ARHGAP44: variants seen among roughly 807,000 people sequenced by gnomAD.
The protein encoded by ARHGAP44 is Rho GTPase activating protein 44.
In ARHGAP44, 43 loss-of-function variants were observed where a neutral mutation model predicts 106.8. That is an observed-to-expected ratio of 0.40 (90% CI 0.32 to 0.52). ARHGAP44 has a LOEUF of 0.52. Among genes scored for constraint, ARHGAP44 ranks in the 20% least tolerant of loss-of-function variants. The pLI, the probability that ARHGAP44 is intolerant of heterozygous loss-of-function variation, is 0.48. For missense variants in ARHGAP44, 866 were observed against 1,050.5 expected, an observed-to-expected ratio of 0.82 and a Z score of 2.43; for synonymous variants, 439 against 410.3, an observed-to-expected ratio of 1.07 and a Z score of -0.85.
chr17:12,960,623 C>T (rs2039239522), intron 16 of ARHGAP44, among the ~76,000 whole-genome samples: 2 of 151,752 alleles, frequency 1.3e-5, no homozygotes, highest in Non-Finnish European at 2.9e-5. Flanking sequence ...TGTGGTGGTG[C>T]AATCTTGGCT....
intron 3 of ARHGAP44, among the ~76,000 whole-genome samples, chr17:12,903,138 A>AGTGT (rs1421977965): frequency 4.8e-4 from 45 of 94,734 alleles, no homozygotes; most frequent in African/African-American, 1.3e-3. Flanking sequence ...AGAGAGAGAG[A>AGTGT]GAGTGTGTGT....
At chr17:12,814,926 G>A (rs1419058741) in intron 1 of ARHGAP44, among the ~76,000 whole-genome samples, 4 of 152,088 alleles carry the variant, frequency 2.6e-5, no homozygotes, top group Admixed American at 6.5e-5. Flanking sequence ...CTGAATCATG[G>A]TTGACTGATA....
chr17:12,929,864 A>T (rs2038349438), intron 7 of ARHGAP44, among the ~76,000 whole-genome samples: 1 of 152,210 alleles, frequency 6.6e-6, no homozygotes, highest in African/African-American at 2.4e-5. Context: ...TTGCCTGTGG[A>T]CATCTCTGTT....
chr17:12,977,234 C>A (rs1398583876), intron 18 of ARHGAP44, among the ~76,000 whole-genome samples: 1 of 152,106 alleles, frequency 6.6e-6, no homozygotes, highest in Non-Finnish European at 1.5e-5. Flanking sequence ...GTGTTTTACA[C>A]CACTTTTTGT....
At chr17:12,976,221 C>T (rs1226344216) in intron 18 of ARHGAP44, among the ~76,000 whole-genome samples, 2 of 152,116 alleles carry the variant, frequency 1.3e-5, no homozygotes, top group Non-Finnish European at 2.9e-5. Context: ...TCCTCACACA[C>T]CATCACCACC....
intron 1 of ARHGAP44, among the ~76,000 whole-genome samples, chr17:12,842,263 A>T (rs1485970783): frequency 3.3e-5 from 5 of 151,970 alleles, no homozygotes; most frequent in Admixed American, 3.3e-4. Flanking sequence ...ATATGTATCA[A>T]ACAATTAGCT....
chr17:12,802,903 C>T (rs1597861300), intron 1 of ARHGAP44, among the ~76,000 whole-genome samples: 1 of 125,632 alleles, frequency 8.0e-6, no homozygotes, highest in African/African-American at 2.9e-5. Context: ...GGACTACTGG[C>T]ATGTACCACC....
chr17:12,921,581 G>A (rs1341612203), intron 6 of ARHGAP44, among the ~76,000 whole-genome samples: 2 of 152,102 alleles, frequency 1.3e-5, no homozygotes, highest in Admixed American at 6.6e-5. Flanking sequence ...TCCAGAGTAG[G>A]CCAATTTTAA....
At chr17:12,917,711 A>G (rs766108810) in intron 5 of ARHGAP44, among the ~76,000 whole-genome samples, 5 of 152,196 alleles carry the variant, frequency 3.3e-5, no homozygotes, top group Admixed American at 6.5e-5. Flanking sequence ...CAGACTCCCT[A>G]CAATGATGGA....
intron 1 of ARHGAP44, among the ~76,000 whole-genome samples, chr17:12,819,467 A>G (rs2034699008): frequency 6.6e-6 from 1 of 151,932 alleles, no homozygotes; most frequent in Non-Finnish European, 1.5e-5. Flanking sequence ...AGTAAAATTG[A>G]TGGATCAATT....
chr17:12,906,866 G>A (rs1218464769), intron 3 of ARHGAP44, among the ~76,000 whole-genome samples: 1 of 152,122 alleles, frequency 6.6e-6, no homozygotes, highest in East Asian at 1.9e-4. Flanking sequence ...CTTGGGCTTA[G>A]GAGCTCGAGG....
chr17:12,897,242 T>C lies in ARHGAP44; in HGVS notation c.198+731T>C, dbSNP rs2037234123. Among the ~76,000 whole-genome samples the C allele has an allele frequency of 2.3e-5, 3 of 132,270 alleles. No homozygotes were observed. The South Asian group carries it at 7.8e-4, about 34-fold the overall frequency. 86.8% of individuals were successfully genotyped at this position (132,270 alleles called of 152,430 possible). On this transcript the variant is annotated intron_variant, in intron 3 of 20. Coordinates refer to ENST00000379672, the MANE Select transcript of ARHGAP44 (RefSeq NM_014859.6). ...TCCTTCCTTGAGTTTATAATCTACA[T>C]GATTGGTATCATTTAGACATTTTTT...
rs1246346305 is a variant in ARHGAP44, at chr17:12,990,792, T to C, written c.*621T>C. 2 of 152,248 alleles carry C rather than the reference T, an allele frequency of 1.3e-5. No homozygotes were observed. The highest frequency in any genetic ancestry group is 2.9e-5 in the Non-Finnish European group (2 of 68,084). 9.4% of individuals were successfully genotyped at this position (152,248 alleles called of 1,614,324 possible). A position where few individuals can be genotyped will look rare whatever the true frequency, so the allele number is the denominator to read the frequency against. ...TGGCTGAAAACAAAAATGTTTCACT[T>C]CCTAACAGTTTTCCTTTTTCCACTG... On this transcript the variant is annotated 3_prime_UTR_variant, in exon 21 of 21. Transcript: ENST00000379672.
At chr17:12,937,583 A>C (rs1045173015) in intron 7 of ARHGAP44, among the ~76,000 whole-genome samples, 1 of 152,178 alleles carries the variant, frequency 6.6e-6, no homozygotes, top group African/African-American at 2.4e-5. Context: ...TCAGGGCAGC[A>C]GTTTGCTCTG....
chr17:12,919,387 C>CTTTTTT (rs375129968), intron 5 of ARHGAP44, among the ~76,000 whole-genome samples: 1 of 136,092 alleles, frequency 7.3e-6, no homozygotes, highest in Non-Finnish European at 1.5e-5. Flanking sequence ...AATAGTTCTT[C>CTTTTTT]TTTTTTTTTT....
chr17:12,911,696 G>A (rs1331764095), intron 4 of ARHGAP44, among the ~76,000 whole-genome samples: 1 of 152,182 alleles, frequency 6.6e-6, no homozygotes, highest in Non-Finnish European at 1.5e-5. Context: ...ATTCTCTAGA[G>A]GGGATAAGAG....
chr17:12,900,945 T>A (rs7210654), intron 3 of ARHGAP44, among the ~76,000 whole-genome samples: 4 of 130,038 alleles, frequency 3.1e-5, no homozygotes, highest in African/African-American at 1.1e-4. Flanking sequence ...TTAATTGAGA[T>A]GGAGTTTCGC....
chr17:12,861,363 T>A (rs1443887736), intron 1 of ARHGAP44, among the ~76,000 whole-genome samples: 2 of 152,088 alleles, frequency 1.3e-5, no homozygotes, highest in Non-Finnish European at 2.9e-5. Flanking sequence ...CAACACAAAT[T>A]TATCATCTTA....
At chr17:12,940,191 C>G (rs1005734557) in intron 7 of ARHGAP44, among the ~76,000 whole-genome samples, 1 of 151,684 alleles carries the variant, frequency 6.6e-6, no homozygotes, top group Non-Finnish European at 1.5e-5. Flanking sequence ...CTCTCCTCAA[C>G]TGAGTGCCTC....
Sources: allele counts gnomAD v4.1 joint callset (sites outside exome capture counted in the v4.1 genomes callset), GRCh38; gene constraint gnomAD v4.1.1; transcripts MANE v1.5; gene names NCBI Gene and HGNC (gene_info 2026-07-23, HGNC 2026-07-21).